Variants in ATG2A observed in about 807,000 individuals in gnomAD.
ATG2A encodes the protein autophagy related 2A.
In ATG2A, 103 loss-of-function variants were observed where a neutral mutation model predicts 214.2. The observed-to-expected ratio is 0.48, with a 90% confidence interval of 0.41 to 0.57. The LOEUF is 0.57. Ranked by LOEUF, ATG2A falls within the 20% of genes least tolerant of loss-of-function variation. ATG2A has a pLI of 0.00. For missense variants in ATG2A, 2,312 were observed against 2,613.2 expected (o/e 0.88, Z 2.51); for synonymous variants, 1,160 against 1,142.1 (o/e 1.02, Z -0.32).
In ATG2A at chr11:64,903,055, C is replaced by T. The variant is rs970738758; in HGVS notation, c.3612+233G>A. ...GGCCTCGCTGGTGCCCTGGCTGCCG[C>T]GTCCTCTGGTGGCAGGGCTGAAACC... On this transcript the variant is annotated intron_variant, in intron 26 of 40. Coordinates refer to ENST00000377264, the MANE Select transcript of ATG2A (RefSeq NM_015104.3). The surrounding 1 kb of genome is among the most constrained non-coding windows in gnomAD (Gnocchi z 4.2). Among the ~76,000 whole-genome samples the T allele has an allele frequency of 5.9e-5, 9 of 152,168 alleles. No individual in the cohort carries two copies. The highest frequency in any genetic ancestry group is 1.3e-4 in the Admixed American group (2 of 15,280).
chr11:64,914,309 G>A, intron 2 of ATG2A, 29 bp downstream of exon 2: 1 of 1,570,050 alleles, frequency 6.4e-7, no homozygotes, highest in Non-Finnish European at 8.6e-7. Flanking sequence ...CTCCCCACTT[G>A]CCTGCCCCCA....
At position 64,902,278 on chromosome 11, in the gene ATG2A, C is replaced by T; in HGVS notation, c.3886G>A (p.Glu1296Lys). ...ACTTCACCTGAAGGCTGGGCCAGCT[C>T]CCGTAGGCTGCGCTCGGTGTCCAGG... ...ALLDTERSLR[E>K]LAQPSGGHLP... The change falls in exon 28 of 41, where the codon GAG becomes AAG. Residue 1296 changes from glutamate (E) to lysine (K), a missense_variant. By Grantham distance (56) the Glu-to-Lys change is moderately conservative. Transcript: ENST00000377264. The T allele has an allele frequency of 6.2e-7, 1 of 1,613,018 alleles. No individual in the cohort carries two copies. Among genetic ancestry groups the T allele is most frequent in the South Asian group, 1.1e-5 (1 of 91,052 alleles).
In ATG2A at chr11:64,911,158, G is replaced by C. The variant is rs533244575; in HGVS notation, c.1346C>G (p.Pro449Arg). The change falls in exon 10 of 41, where the codon CCT becomes CGT. Residue 449 changes from proline (P) to arginine (R), a missense_variant. By Grantham distance (103) the Pro-to-Arg change is moderately radical. Coordinates refer to ENST00000377264, the MANE Select transcript of ATG2A (RefSeq NM_015104.3). ...LQTSAPSSGPPDLATHFFTEF... is the reference protein window; with the variant it reads ...LQTSAPSSGPRDLATHFFTEF... ...GGTGAAAAAGTGCGTGGCGAGGTCA[G>C]GTGGTCCGGAAGATGGGGCAGACGT... 4.3e-6 allele frequency: 7 copies of C among 1,614,188 alleles called. No homozygotes were observed. The highest frequency in any genetic ancestry group is 4.0e-5 in the African/African-American group (3 of 75,062).
chr11:64,894,773 A>G lies in ATG2A; in HGVS notation c.*200T>C. On this transcript the variant is annotated 3_prime_UTR_variant, in exon 41 of 41. Transcript: ENST00000377264. ...GGGCAGTGTCCTTTCTCCCCGGAGG[A>G]AAAGTGCAGAGCCAGGGCTAAGGCC... 4.0e-6 allele frequency: 3 copies of G among 744,590 alleles called. No individual in the cohort carries two copies. Among genetic ancestry groups the G allele is most frequent in the Non-Finnish European group, 7.2e-6 (3 of 419,484 alleles). The allele number at this position is 744,590 out of a possible 1,614,324, so 46.1% of individuals were successfully genotyped here. A position where few individuals can be genotyped will look rare whatever the true frequency, so the allele number is the denominator to read the frequency against.
chr11:64,912,210 G>A lies in ATG2A; in HGVS notation c.962C>T (p.Pro321Leu), dbSNP rs751226427. ...CAGCCACAGGTCTTCGGCACCTAGCGGGCGGCTCTTGTTCAGCTTGTCAGC... is the reference window on the plus strand; with the variant it reads ...CAGCCACAGGTCTTCGGCACCTAGCAGGCGGCTCTTGTTCAGCTTGTCAGC... ...GLADKLNKSR[P>L]LGAEDLWLIE... The change falls in exon 8 of 41, where the codon CCG becomes CTG. Residue 321 changes from proline to leucine, a missense_variant. Physicochemically the swap from Pro to Leu is moderately conservative, Grantham distance 98. Transcript: ENST00000377264. 12 of 1,613,662 alleles carry A rather than the reference G, an allele frequency of 7.4e-6. No individual in the cohort carries two copies. Among genetic ancestry groups the A allele is most frequent in the South Asian group, 5.5e-5 (5 of 91,094 alleles).
Position 64,910,940 on chromosome 11 carries a change from G to A in ATG2A, c.1481C>T (p.Ala494Val), listed in dbSNP as rs146646788. Residue 494 changes from alanine to valine, a missense_variant, in exon 11 of 41, where the codon GCC (alanine) becomes GTC (valine). Physicochemically the swap from Ala to Val is moderately conservative, Grantham distance 64 (BLOSUM62 0). Coordinates refer to ENST00000377264, the MANE Select transcript of ATG2A (RefSeq NM_015104.3). ...CCGCAGCTCCCAGGACAGCTGCACG[G>A]CTGTGCCCGTTAGCCTGCGGGGAAG... ...PCSHVRLTGT[A>V]VQLSWELRTG... is the part of the protein sequence containing the mutation. 4.3e-6 allele frequency: 7 copies of A among 1,613,206 alleles called. No individual in the cohort carries two copies. In the African/African-American group the frequency reaches 5.3e-5, roughly 12 times the overall value.
intron 14 of ATG2A, 29 bp from the exon 15 acceptor site, chr11:64,909,396 C>T (rs1170472170): frequency 1.3e-6 from 2 of 1,595,740 alleles, no homozygotes; most frequent in Admixed American, 1.7e-5. Flanking sequence ...TTAGGGGGGT[C>T]ATCACTGCTG....
chr11:64,915,692 C>G (rs896338352), intron 1 of ATG2A, among the ~76,000 whole-genome samples: 1 of 152,058 alleles, frequency 6.6e-6, no homozygotes, highest in African/African-American at 2.4e-5. Flanking sequence ...AAAGGGGAAG[C>G]CTAGGGCTGG....
intron 24 of ATG2A, among the ~76,000 whole-genome samples, chr11:64,904,143 G>A (rs1285902497): frequency 6.6e-6 from 1 of 152,078 alleles, no homozygotes; most frequent in Non-Finnish European, 1.5e-5. Flanking sequence ...CTACTTGGAA[G>A]GCTGAGGCAG....
At position 64,910,834 on chromosome 11, in the gene ATG2A, C is replaced by A; in HGVS notation, c.1587G>T (p.Arg529=). The A allele has an allele frequency of 6.2e-7, 1 of 1,609,364 alleles. No homozygotes were observed. The highest frequency in any genetic ancestry group is 1.1e-5 in the South Asian group (1 of 90,340). ...CCGTGTACTCAGGCTCAGAGGTGCC[C>A]CGGGGCCACAGACACTCCAGCACCT... The part of the protein sequence containing the change: ...QLEVLECLWP[R]GTSEPEYTEI... Residue 529 remains arginine, a synonymous_variant, in exon 11 of 41, where the codon CGG becomes CGT. Transcript: ENST00000377264.
In ATG2A at chr11:64,910,048, C is replaced by T. The variant is rs369133652; in HGVS notation, c.1855G>A (p.Gly619Ser). 212 of 1,580,032 alleles carry T rather than the reference C, an allele frequency of 1.3e-4. No individual in the cohort carries two copies. Among genetic ancestry groups the T allele is most frequent in the African/African-American group, 6.5e-4 (48 of 74,318 alleles). The change falls in exon 13 of 41, where the codon GGC becomes AGC. Residue 619 changes from glycine (G) to serine (S), a missense_variant. Transcript: ENST00000377264. Reference sequence around the variant, plus strand: ...TGGCAGGGGCCTCTCACCAGCAGGCCGGCTGGAGGCTCAGCAGGTACGGTG... The same window carrying T: ...TGGCAGGGGCCTCTCACCAGCAGGCTGGCTGGAGGCTCAGCAGGTACGGTG... ...LATVPAEPPAGLLTEPLPAME... is the reference protein window; with the variant it reads ...LATVPAEPPASLLTEPLPAME...
Position 64,900,890 on chromosome 11 carries a change from C to G in ATG2A, c.4322G>C (p.Gly1441Ala). ...TGCACCCGCTCCTCCTCACCTGTGG[C>G]CGGGGTGGGGGCCAAAGTCTCGGCC... Reference protein sequence around the residue: ...YGGRDFGPHPGHRARTGLSGP... With the variant: ...YGGRDFGPHPAHRARTGLSGP... Residue 1441 changes from glycine (G) to alanine (A), a missense_variant, in exon 30 of 41, where the codon GGC becomes GCC. Coordinates refer to ENST00000377264, the MANE Select transcript of ATG2A (RefSeq NM_015104.3). The G allele has an allele frequency of 6.4e-7, 1 of 1,558,222 alleles. No homozygotes were observed. The highest frequency in any genetic ancestry group is 8.7e-7 in the Non-Finnish European group (1 of 1,151,840).
chr11:64,909,508 C>A, intron 14 of ATG2A, 141 bp from the exon 15 acceptor site: 1 of 1,399,268 alleles, frequency 7.1e-7, no homozygotes, highest in Non-Finnish European at 9.8e-7. Flanking sequence ...AAAGGGTCCA[C>A]CCTACTTGTC....
At chr11:64,902,464 G>T (rs1282418896) in intron 27 of ATG2A, 52 bp downstream of exon 27, 2 of 1,531,042 alleles carry the variant, frequency 1.3e-6, no homozygotes, top group Non-Finnish European at 1.8e-6. Context: ...CCATGGCAGG[G>T]GAGGGGCCTG....
intron 16 of ATG2A, 147 bp downstream of exon 16, chr11:64,908,844 C>A (rs1202290874): frequency 4.0e-5 from 34 of 856,536 alleles, no homozygotes; most frequent in Non-Finnish European, 5.1e-5. Flanking sequence ...AATGGAAGAG[C>A]CGAAATCCTC....
intron 1 of ATG2A, among the ~76,000 whole-genome samples, chr11:64,914,901 G>A (rs1262249931): frequency 6.6e-6 from 1 of 151,058 alleles, no homozygotes; most frequent in South Asian, 2.1e-4. Flanking sequence ...TGGTGAGGGG[G>A]CTGGTGGGGG....
At chr11:64,897,623 A>G in intron 36 of ATG2A, 48 bp downstream of exon 36, 1 of 1,613,068 alleles carries the variant, frequency 6.2e-7, no homozygotes. Context: ...AGAGGGACTC[A>G]GCCACAGCTG....
At position 64,909,004 on chromosome 11, in the gene ATG2A, T is replaced by A; in HGVS notation, c.2351A>T (p.Tyr784Phe). ...PSPFSSKRTMYETEEMVIPGD... is the reference protein window; with the variant it reads ...PSPFSSKRTMFETEEMVIPGD... ...GCCAAGTCTCACCTCCTCTGTCTCA[T>A]ACATGGTCCTCTTAGAGGAGAAGGG... Residue 784 changes from tyrosine to phenylalanine, a missense_variant, in exon 16 of 41, where the codon TAT becomes TTT. Tyr to Phe is a conservative substitution (Grantham distance 22). Transcript: ENST00000377264. The A allele has an allele frequency of 3.8e-6, 6 of 1,591,868 alleles. No individual in the cohort carries two copies. Among genetic ancestry groups the A allele is most frequent in the Non-Finnish European group, 5.1e-6 (6 of 1,169,214 alleles).
chr11:64,897,307 GC>G, intron 37 of ATG2A, 104 bp downstream of exon 37: 1 of 1,327,496 alleles, frequency 7.5e-7, no homozygotes, highest in Non-Finnish European at 1.0e-6. Context: ...AGAAACTGAG[GC>G]CCTGAGAAGG....
Sources: allele counts gnomAD v4.1 joint callset (sites outside exome capture counted in the v4.1 genomes callset), GRCh38; gene constraint gnomAD v4.1.1; non-coding constraint Gnocchi (gnomAD v3.1); transcripts MANE v1.5; gene names NCBI Gene and HGNC (gene_info 2026-07-23, HGNC 2026-07-21).